The following ZNF385D variants were observed in gnomAD, a reference collection of about 807,000 sequenced individuals.
ZNF385D encodes the protein zinc finger protein 385D, also known as zinc finger protein 659.
A neutral mutation model predicts 35.8 loss-of-function variants in ZNF385D; 15 were observed. That is an observed-to-expected ratio of 0.42 (90% CI 0.28 to 0.64). ZNF385D has a LOEUF of 0.64. Among genes scored for constraint, ZNF385D ranks in the 30% least tolerant of loss-of-function variants. The pLI is 0.23. For synonymous variants in ZNF385D, 212 were observed against 186.8 expected (o/e 1.13, Z -1.10); for missense variants, 474 against 494.6 (o/e 0.96, Z 0.39).
At chr3:21,978,085 G>C (rs1703750697) in intron 3 of ZNF385D, 1 of 151,962 alleles carries the variant, frequency 6.6e-6, no homozygotes, top group South Asian at 2.1e-4. Context: ...TTCTCTTCCA[G>C]ATAGAGAAAT....
At chr3:21,980,992 T>C (rs867747928) in intron 3 of ZNF385D, among the ~76,000 whole-genome samples, 1 of 152,148 alleles carries the variant, frequency 6.6e-6, no homozygotes, top group Non-Finnish European at 1.5e-5. Flanking sequence ...TTTGATTCCA[T>C]GTCTTTGCTA....
chr3:21,967,187 G>A (rs774842495), intron 3 of ZNF385D, among the ~76,000 whole-genome samples: 2 of 152,020 alleles, frequency 1.3e-5, no homozygotes, highest in Admixed American at 6.6e-5. Flanking sequence ...CATTTCTTTA[G>A]CTTTGGCACT....
chr3:21,760,637 ACTTTT>A (rs1238060598), intron 3 of ZNF385D, among the ~76,000 whole-genome samples: 5 of 152,200 alleles, frequency 3.3e-5, no homozygotes, highest in Middle Eastern at 3.2e-3. Flanking sequence ...AAAAGGTCAT[ACTTTT>A]CTTTATATTA....
chr3:21,758,996 A>AC (rs1553654568), intron 3 of ZNF385D, among the ~76,000 whole-genome samples: 4 of 148,438 alleles, frequency 2.7e-5, no homozygotes, highest in Non-Finnish European at 5.9e-5. Context: ...AAAAAAAAAA[A>AC]AAAAAAAAAA....
chr3:21,800,310 T>A lies in ZNF385D; in HGVS notation c.326-135282A>T, dbSNP rs748607615. Among the ~76,000 whole-genome samples the A allele has an allele frequency of 5.9e-5, 9 of 152,246 alleles. No individual in the cohort carries two copies. In the East Asian group the frequency reaches 1.7e-3, roughly 29 times the overall value. On this transcript the variant is annotated intron_variant, in intron 3 of 5. Transcript: ENST00000494108. ...TATTGGGCTTTTGATAGGGATGGCA[T>A]TGAATCTTTAGATTGCCTTGGGTAG...
chr3:21,425,628 C>A lies in ZNF385D; in HGVS notation c.716G>T (p.Gly239Val). Residue 239 changes from glycine to valine, a missense_variant, in exon 6 of 8, where the codon GGC (glycine) becomes GTC (valine). By Grantham distance (109) the Gly-to-Val change is moderately radical. Transcript: ENST00000281523. ...TGCCCTAGGAAAGGCTTTGATAGTG[C>A]CACTTCCATTCCGGGCTTCTAACAT... is the stretch of plus-strand genomic sequence containing the variant. ...KTMLEARNGS[G>V]TIKAFPRAGV... 6.3e-7 allele frequency: 1 copy of A among 1,599,224 alleles called. No individual in the cohort carries two copies. The highest frequency in any genetic ancestry group is 8.5e-7 in the Non-Finnish European group (1 of 1,171,716).
chr3:22,282,937 A>G (rs1701839611), intron 2 of ZNF385D, among the ~76,000 whole-genome samples: 1 of 152,138 alleles, frequency 6.6e-6, no homozygotes, highest in Admixed American at 6.5e-5. Context: ...GCTATCTTCA[A>G]GAGACTCACC....
At chr3:21,505,626 C>CATAACTGGACA (rs1559356129) in intron 4 of ZNF385D, among the ~76,000 whole-genome samples, 2 of 152,156 alleles carry the variant, frequency 1.3e-5, no homozygotes, top group Non-Finnish European at 2.9e-5. Flanking sequence ...GCCATAACTA[C>CATAACTGGACA]AGCCTTGACT....
At position 21,761,201 on chromosome 3, in the gene ZNF385D, C is replaced by T. The variant is rs577188301; in HGVS notation, c.326-96173G>A. Reference sequence around the variant, plus strand: ...TCAAACTGGGCCAAGCCTTCACACACCTGCAGCCATGATCGATATTTTAGT... The same window carrying T: ...TCAAACTGGGCCAAGCCTTCACACATCTGCAGCCATGATCGATATTTTAGT... On this transcript the variant is annotated intron_variant, in intron 3 of 5. Coordinates refer to the ZNF385D transcript ENST00000494108. 2.0e-5 allele frequency among the ~76,000 whole-genome samples: 3 copies of T among 152,294 alleles called. No individual in the cohort carries two copies. In the East Asian group the frequency reaches 5.8e-4, roughly 29 times the overall value.
intron 4 of ZNF385D, among the ~76,000 whole-genome samples, chr3:21,496,565 A>G (rs1025120619): frequency 2.8e-4 from 34 of 122,550 alleles, no homozygotes; most frequent in African/African-American, 9.5e-4. Context: ...CATATATTTG[A>G]TATATATATC....
At chr3:22,007,622 T>C (rs1696293977) in intron 3 of ZNF385D, among the ~76,000 whole-genome samples, 1 of 152,198 alleles carries the variant, frequency 6.6e-6, no homozygotes, top group South Asian at 2.1e-4. Context: ...AAGTAGGTAT[T>C]TCGTCACAGT....
intron 1 of ZNF385D, among the ~76,000 whole-genome samples, chr3:21,669,943 T>C (rs2125278080): frequency 6.6e-6 from 1 of 152,310 alleles, no homozygotes; most frequent in African/African-American, 2.4e-5. Flanking sequence ...GCTTTTAACC[T>C]TGAACTTCTG....
chr3:22,216,714 C>T (rs1293932586), intron 2 of ZNF385D, among the ~76,000 whole-genome samples: 1 of 152,118 alleles, frequency 6.6e-6, no homozygotes, highest in African/African-American at 2.4e-5. Flanking sequence ...CAATATACCT[C>T]ATCTTGTTCT....
intron 3 of ZNF385D, among the ~76,000 whole-genome samples, chr3:21,794,635 G>A (rs191637189): frequency 1.0e-3 from 158 of 152,226 alleles, no homozygotes; most frequent in Non-Finnish European, 1.5e-3. Flanking sequence ...CTAACTTTGG[G>A]GGTCTCTTTT....
intron 3 of ZNF385D, among the ~76,000 whole-genome samples, chr3:21,967,052 T>A (rs1377852084): frequency 6.6e-6 from 1 of 152,200 alleles, no homozygotes; most frequent in East Asian, 1.9e-4. Flanking sequence ...AACTATTAAT[T>A]CAAATAATAG....
chr3:21,473,884 T>A (rs1404233648), intron 4 of ZNF385D, among the ~76,000 whole-genome samples: 2 of 152,130 alleles, frequency 1.3e-5, no homozygotes, highest in African/African-American at 2.4e-5. Flanking sequence ...ATCTGCCTTT[T>A]AATAGTAGTT....
At chr3:21,528,793 C>T (rs981751998) in intron 3 of ZNF385D, among the ~76,000 whole-genome samples, 1 of 152,012 alleles carries the variant, frequency 6.6e-6, no homozygotes, top group African/African-American at 2.4e-5. Context: ...CCTGGAGAAA[C>T]AGAGTACTCA....
chr3:21,593,233 T>C (rs1161157281), intron 2 of ZNF385D, among the ~76,000 whole-genome samples: 1 of 152,170 alleles, frequency 6.6e-6, no homozygotes, highest in African/African-American at 2.4e-5. Context: ...AGGAAGGACC[T>C]TGGATGTGAT....
intron 2 of ZNF385D, among the ~76,000 whole-genome samples, chr3:22,308,224 G>A (rs182420414): frequency 6.6e-5 from 10 of 152,128 alleles, no homozygotes; most frequent in African/African-American, 2.4e-4. Flanking sequence ...TTTACTCTAA[G>A]TTGCATTTTA....
Sources: allele counts gnomAD v4.1 joint callset (sites outside exome capture counted in the v4.1 genomes callset), GRCh38; gene constraint gnomAD v4.1.1; transcripts MANE v1.5; gene names NCBI Gene and HGNC (gene_info 2026-07-23, HGNC 2026-07-21).